Variants in ARR3 observed in about 807,000 individuals in gnomAD.
ARR3 encodes arrestin 3.
ARR3 carries 14 observed loss-of-function variants against 35.4 expected under a neutral mutation model. That is an observed-to-expected ratio of 0.40 (90% CI 0.26 to 0.62). The LOEUF is 0.62. Among genes scored for constraint, ARR3 ranks in the 20% least tolerant of loss-of-function variants. The probability of loss-of-function intolerance (pLI) is 0.46; values close to 1 mark genes in which losing one functional copy is unlikely to be tolerated. For missense variants in ARR3, 259 were observed against 303.8 expected, an observed-to-expected ratio of 0.85 and a Z score of 1.10; for synonymous variants, 97 against 119.1, an observed-to-expected ratio of 0.81 and a Z score of 1.21.
In ARR3 at chrX:70,276,426, C is replaced by T. The variant is rs751460895; in HGVS notation, c.346-7C>T. 1.7e-6 allele frequency: 2 copies of T among 1,210,031 alleles called. No homozygotes were observed. The highest frequency in any genetic ancestry group is 2.2e-6 in the Non-Finnish European group (2 of 894,132). ...ACTTCTTTTCTGATCTCCTTTTTGTCCCCTAGATGGTGACCAACCTGCCCT... is the reference window on the plus strand; with the variant it reads ...ACTTCTTTTCTGATCTCCTTTTTGTTCCCTAGATGGTGACCAACCTGCCCT... On this transcript the variant is annotated splice_region_variant and splice_polypyrimidine_tract_variant and intron_variant, in intron 6 of 16. Transcript: ENST00000307959.
intron 2 of ARR3, 120 bp from the exon 3 acceptor site, chrX:70,269,542 G>T: frequency 1.0e-6 from 1 of 998,413 alleles, no homozygotes; most frequent in Non-Finnish European, 1.4e-6. Context: ...CCCATCCTAT[G>T]CTCCTGGAGC....
chrX:70,272,908 T>C (rs1370497991), intron 5 of ARR3, among the ~76,000 whole-genome samples: 1 of 112,299 alleles, frequency 8.9e-6, no homozygotes, highest in Non-Finnish European at 1.9e-5. Flanking sequence ...CTGCTGTTGG[T>C]AGTTTTTATT....
intron 5 of ARR3, among the ~76,000 whole-genome samples, chrX:70,271,352 T>C (rs1280793216): frequency 8.9e-6 from 1 of 112,210 alleles, no homozygotes; most frequent in African/African-American, 3.2e-5. Context: ...TATTTCTTGT[T>C]TATTCTTAGT....
Position 70,280,488 on chromosome X carries a change from A to C in ARR3, c.990-71A>C, listed in dbSNP as rs184748492. 2.0e-5 allele frequency: 22 copies of C among 1,108,421 alleles called. No homozygotes were observed. The African/African-American group carries it at 2.8e-4, about 14-fold the overall frequency. The allele number at this position is 1,108,421 out of a possible 1,213,427, so 91.3% of individuals were successfully genotyped here. A position where few individuals can be genotyped will look rare whatever the true frequency, so the allele number is the denominator to read the frequency against. On this transcript the variant is annotated intron_variant, in intron 13 of 16. Coordinates refer to ENST00000307959, the MANE Select transcript of ARR3 (RefSeq NM_004312.3). ...GGCTCATTAGGTCTTATGATCCCTC[A>C]TCCCCTTGTGAAACTAGGTTGCCCC...
intron 15 of ARR3, 125 bp downstream of exon 15, chrX:70,280,943 G>T: frequency 4.1e-6 from 4 of 965,632 alleles, no homozygotes; most frequent in Non-Finnish European, 5.7e-6. Flanking sequence ...TAGGCTGGGT[G>T]TCTAGGTATT....
In ARR3 at chrX:70,280,204, G is replaced by A. The variant is rs144619692; in HGVS notation, c.915G>A (p.Pro305=). 43 of 1,208,802 alleles carry A rather than the reference G, an allele frequency of 3.6e-5. 1 individual carries two copies. Among genetic ancestry groups the A allele is most frequent in the Middle Eastern group, 2.3e-4 (1 of 4,353 alleles). The stretch of plus-strand genomic sequence containing the variant: ...ATACTACAACCTCCAGTATTAGACC[G>A]GGAATGGACAAAGAGCTGCTGGGGA... ...TNLASSTIIR[P]GMDKELLGIL... The change falls in exon 13 of 17, where the codon CCG becomes CCA. Residue 305 remains proline (P), a synonymous_variant. Coordinates refer to ENST00000307959, the MANE Select transcript of ARR3 (RefSeq NM_004312.3).
At chrX:70,278,453 T>C (rs1298711068) in intron 11 of ARR3, 51 bp from the exon 12 acceptor site, 16 of 1,181,177 alleles carry the variant, frequency 1.4e-5, no homozygotes, top group Non-Finnish European at 1.8e-5. Context: ...AGTAAAAGTA[T>C]GCTTAGTCAG....
chrX:70,274,081 C>G (rs1490545577), intron 5 of ARR3, among the ~76,000 whole-genome samples: 1 of 110,240 alleles, frequency 9.1e-6, no homozygotes, highest in Non-Finnish European at 1.9e-5. Context: ...CTCCATACTT[C>G]TACTCCATAT....
At chrX:70,281,864 C>G (rs2085687664), downstream of ARR3, 2 of 731,869 alleles carry the variant, frequency 2.7e-6, no homozygotes, top group East Asian at 3.5e-5. Flanking sequence ...TGCCTATTTC[C>G]TCTTCCTGGA....
intron 5 of ARR3, among the ~76,000 whole-genome samples, chrX:70,271,982 G>A (rs886526454): frequency 9.1e-6 from 1 of 110,318 alleles, no homozygotes; most frequent in Non-Finnish European, 1.9e-5. Context: ...TGCAGTTGAT[G>A]TCTTAGTCTG....
At chrX:70,280,962 G>C in intron 15 of ARR3, 137 bp from the exon 16 acceptor site, 1 of 897,914 alleles carries the variant, frequency 1.1e-6, no homozygotes, top group East Asian at 3.8e-5. Context: ...TTCAGGGGAA[G>C]TGTGTGTGTC....
intron 11 of ARR3, 103 bp downstream of exon 11, chrX:70,278,241 A>G: frequency 1.2e-6 from 1 of 808,972 alleles, no homozygotes; most frequent in Non-Finnish European, 1.8e-6. Context: ...AGAGTGGTGG[A>G]AGATTCCAGG....
intron 5 of ARR3, among the ~76,000 whole-genome samples, chrX:70,272,319 T>C (rs2085633090): frequency 8.9e-6 from 1 of 111,828 alleles, no homozygotes; most frequent in South Asian, 3.7e-4. Context: ...TTTGTCTCCA[T>C]TGTAGAAAAA....
intron 8 of ARR3, among the ~76,000 whole-genome samples, chrX:70,277,006 G>A (rs893695842): frequency 8.9e-6 from 1 of 112,736 alleles, no homozygotes; most frequent in Non-Finnish European, 1.9e-5. Context: ...TAGTGCAATC[G>A]CAGCCACAGA....
Position 70,269,922 on chromosome X carries a change from G to C in ARR3, c.100+19G>C. Reference sequence around the variant, plus strand: ...CCCATTGGTCAGTGAGTCCAAAAAAGGGAAGCCTGGGGAAAGAGGAATGGA... The same window carrying C: ...CCCATTGGTCAGTGAGTCCAAAAAACGGAAGCCTGGGGAAAGAGGAATGGA... On this transcript the variant is annotated intron_variant, in intron 4 of 16. Coordinates refer to ENST00000307959, the MANE Select transcript of ARR3 (RefSeq NM_004312.3). 2 of 1,202,110 alleles carry C rather than the reference G, an allele frequency of 1.7e-6. No homozygotes were observed. Among genetic ancestry groups the C allele is most frequent in the Non-Finnish European group, 2.2e-6 (2 of 889,324 alleles).
chrX:70,275,696 GTC>G (rs2085649279), intron 5 of ARR3, among the ~76,000 whole-genome samples: 1 of 68,249 alleles, frequency 1.5e-5, no homozygotes, highest in African/African-American at 6.2e-5. Flanking sequence ...TTGAGACAGA[GTC>G]TTGCTCTGTT....
intron 5 of ARR3, among the ~76,000 whole-genome samples, chrX:70,270,524 G>A (rs2085625804): frequency 9.0e-6 from 1 of 111,601 alleles, no homozygotes; most frequent in African/African-American, 3.3e-5. Flanking sequence ...ATTACTGGTG[G>A]TGCCCCTGCT....
At chrX:70,269,952 A>G (rs1436657150) in intron 4 of ARR3, 49 bp downstream of exon 4, 1 of 1,186,500 alleles carries the variant, frequency 8.4e-7, no homozygotes, top group Non-Finnish European at 1.1e-6. Context: ...AATGGAAACT[A>G]GGGAGTAAAA....
chrX:70,280,086 G>A (rs1298050596), intron 12 of ARR3, 109 bp from the exon 13 acceptor site: 4 of 709,564 alleles, frequency 5.6e-6, no homozygotes, highest in Non-Finnish European at 8.6e-6. Flanking sequence ...TCTGGGATAA[G>A]ACTAAACATA....
Sources: gnomAD v4.1 joint callset for allele counts (sites outside exome capture counted in the v4.1 genomes callset) on GRCh38, gnomAD v4.1.1 for gene constraint, MANE v1.5 for transcripts, NCBI Gene and HGNC (gene_info 2026-07-23, HGNC 2026-07-21) for gene names.